TBC1D5: variants seen among roughly 807,000 people sequenced by gnomAD.
The protein encoded by TBC1D5 is TBC1 domain family, member 5.
Under a neutral mutation model 100.3 loss-of-function variants are expected in TBC1D5, and 75 were observed. The observed-to-expected ratio is 0.75, with a 90% CI of 0.62 to 0.91. TBC1D5 has a LOEUF of 0.91. Ranked by LOEUF, TBC1D5 falls within the 40% of genes least tolerant of loss-of-function variation. The pLI is 0.00. For synonymous variants in TBC1D5, 323 were observed against 325.6 expected, an observed-to-expected ratio of 0.99 and a Z score of 0.09; for missense variants, 910 against 942.4, an observed-to-expected ratio of 0.97 and a Z score of 0.45.
In TBC1D5 at chr3:17,451,275, A is replaced by G. The variant is rs2094921275; in HGVS notation, c.98-22756T>C. Among the ~76,000 whole-genome samples, 5 of 152,350 alleles carry G rather than the reference A, an allele frequency of 3.3e-5. No individual in the cohort carries two copies. The South Asian group carries it at 1.0e-3, about 32-fold the overall frequency. On this transcript the variant is annotated intron_variant, in intron 3 of 21. Transcript: ENST00000253692. ...AAGCAGTACCACCCACTGCAAAAAC[A>G]TACCAAAATGTAAAGACCATCAACA...
At chr3:17,395,630 T>C (rs1317958211) in intron 8 of TBC1D5, among the ~76,000 whole-genome samples, 1 of 152,264 alleles carries the variant, frequency 6.6e-6, no homozygotes, top group South Asian at 2.1e-4. Flanking sequence ...AAATCTGGGC[T>C]CATTTAAAAC....
chr3:17,451,834 C>T (rs1041273597), intron 3 of TBC1D5, among the ~76,000 whole-genome samples: 2 of 151,974 alleles, frequency 1.3e-5, no homozygotes, highest in African/African-American at 4.8e-5. Flanking sequence ...GCAGGAGAAT[C>T]GCTGGAATCT....
At chr3:17,358,358 G>C (rs1024141475) in intron 13 of TBC1D5, among the ~76,000 whole-genome samples, 2 of 152,060 alleles carry the variant, frequency 1.3e-5, no homozygotes, top group Middle Eastern at 6.8e-3. Context: ...GTAATTTTTT[G>C]TATTTTTAGT....
intron 1 of TBC1D5, among the ~76,000 whole-genome samples, chr3:17,659,428 G>C (rs1319074114): frequency 6.6e-6 from 1 of 151,896 alleles, no homozygotes; most frequent in African/African-American, 2.4e-5. Flanking sequence ...AGATGTTACA[G>C]ATAAAGGAGA....
intron 13 of TBC1D5, among the ~76,000 whole-genome samples, chr3:17,324,720 T>A (rs1027057571): frequency 7.2e-5 from 11 of 152,076 alleles, no homozygotes; most frequent in African/African-American, 2.4e-4. Flanking sequence ...CAAAAAGACA[T>A]TTCTTGAATA....
chr3:17,287,896 C>A (rs1575141544), intron 15 of TBC1D5, among the ~76,000 whole-genome samples: 1 of 152,100 alleles, frequency 6.6e-6, no homozygotes, highest in East Asian at 1.9e-4. Flanking sequence ...TTTTATTGAA[C>A]CTGTTAGCAG....
intron 2 of TBC1D5, among the ~76,000 whole-genome samples, chr3:17,545,942 A>G (rs1021197809): frequency 6.6e-6 from 1 of 152,132 alleles, no homozygotes; most frequent in Non-Finnish European, 1.5e-5. Context: ...CTTTTTCCCA[A>G]CTCAAGGTAT....
chr3:17,442,210 G>A (rs377628385), intron 3 of TBC1D5, among the ~76,000 whole-genome samples: 1 of 152,144 alleles, frequency 6.6e-6, no homozygotes, highest in Non-Finnish European at 1.5e-5. Flanking sequence ...CGAGAGTGTG[G>A]AAAGAAATCT....
intron 2 of TBC1D5, among the ~76,000 whole-genome samples, chr3:17,549,560 T>G (rs2153445986): frequency 6.6e-6 from 1 of 152,322 alleles, no homozygotes; most frequent in Non-Finnish European, 1.5e-5. Flanking sequence ...TTATTAAAAG[T>G]TGCAAAAGTC....
At chr3:17,442,580 T>A (rs1472688645) in intron 3 of TBC1D5, among the ~76,000 whole-genome samples, 4 of 152,152 alleles carry the variant, frequency 2.6e-5, no homozygotes, top group African/African-American at 9.7e-5. Context: ...ATTCTGTGTA[T>A]GAAAAGACAC....
intron 17 of TBC1D5, among the ~76,000 whole-genome samples, chr3:17,227,409 C>T (rs1383514443): frequency 1.3e-5 from 2 of 152,070 alleles, no homozygotes; most frequent in Admixed American, 6.6e-5. Context: ...CAACAGAGTG[C>T]TTTCTAAAAA....
intron 9 of TBC1D5, among the ~76,000 whole-genome samples, chr3:17,381,704 T>G (rs2092951286): frequency 6.6e-6 from 1 of 152,078 alleles, no homozygotes; most frequent in Admixed American, 6.6e-5. Context: ...TTTTAGTCTT[T>G]CGACTTTTTA....
At chr3:17,296,917 GA>G (rs2082310818) in intron 14 of TBC1D5, among the ~76,000 whole-genome samples, 1 of 152,174 alleles carries the variant, frequency 6.6e-6, no homozygotes, top group Admixed American at 6.5e-5. Context: ...TTTGGGCTTG[GA>G]AAAAGATTTA....
intron 17 of TBC1D5, among the ~76,000 whole-genome samples, chr3:17,230,045 T>C (rs1220616059): frequency 6.6e-6 from 1 of 152,214 alleles, no homozygotes; most frequent in African/African-American, 2.4e-5. Flanking sequence ...ATACTGAACA[T>C]AATGGAACTA....
chr3:17,395,844 T>C (rs1382178906), intron 8 of TBC1D5, among the ~76,000 whole-genome samples: 4 of 152,138 alleles, frequency 2.6e-5, no homozygotes, highest in African/African-American at 9.7e-5. Context: ...AATAAATGTA[T>C]GCTAAGAATT....
At chr3:17,610,885 G>A (rs569670910) in intron 2 of TBC1D5, among the ~76,000 whole-genome samples, 6 of 152,046 alleles carry the variant, frequency 3.9e-5, no homozygotes, top group African/African-American at 4.8e-5. Flanking sequence ...GGCAAGCTGC[G>A]TGTAATCCCA....
At chr3:17,505,260 T>C (rs1284890096) in intron 3 of TBC1D5, among the ~76,000 whole-genome samples, 2 of 152,030 alleles carry the variant, frequency 1.3e-5, no homozygotes, top group African/African-American at 4.8e-5. Context: ...CACCATCCCC[T>C]TGGTGACAAG....
chr3:17,490,930 C>G (rs1488518984), intron 3 of TBC1D5, among the ~76,000 whole-genome samples: 1 of 152,194 alleles, frequency 6.6e-6, no homozygotes, highest in African/African-American at 2.4e-5. Flanking sequence ...ATTGTTTCTT[C>G]CTATCCATGA....
At chr3:17,323,940 T>C (rs1014406260) in intron 13 of TBC1D5, among the ~76,000 whole-genome samples, 3 of 152,198 alleles carry the variant, frequency 2.0e-5, no homozygotes, top group African/African-American at 4.8e-5. Context: ...TAAAAGTCTT[T>C]ACTTTAATTC....
Sources: gnomAD v4.1 joint callset for allele counts (sites outside exome capture counted in the v4.1 genomes callset) on GRCh38, gnomAD v4.1.1 for gene constraint, MANE v1.5 for transcripts, NCBI Gene and HGNC (gene_info 2026-07-23, HGNC 2026-07-21) for gene names.